The following RFTN1 variants were observed in gnomAD, a reference collection of about 807,000 sequenced individuals.
The protein encoded by RFTN1 is raftlin.
A neutral mutation model predicts 46.5 loss-of-function variants in RFTN1; 26 were observed. The observed-to-expected ratio is 0.56, with a 90% CI of 0.41 to 0.78. The LOEUF (loss-of-function observed/expected upper bound fraction) is 0.78, where lower values mean the gene tolerates loss of function less well. Ranked by LOEUF, RFTN1 falls within the 30% of genes least tolerant of loss-of-function variation. The pLI, the probability that RFTN1 is intolerant of heterozygous loss-of-function variation, is 0.00. For synonymous variants in RFTN1, 261 were observed against 284.2 expected (o/e 0.92, Z 0.82); for missense variants, 693 against 718.7 (o/e 0.96, Z 0.41).
chr3:16,449,966 G>A lies in RFTN1; in HGVS notation c.146-15929C>T, dbSNP rs2075796705. 6.6e-6 allele frequency among the ~76,000 whole-genome samples: 1 copy of A among 152,168 alleles called. No individual in the cohort carries two copies. The highest frequency in any genetic ancestry group is 1.5e-5 in the Non-Finnish European group (1 of 68,026). Reference sequence around the variant, plus strand: ...AGCAGCAGGAGGAGGGCTGCAGGAGGCCCCAGGGAGGCGCAGCAGGGGAAA... The same window carrying A: ...AGCAGCAGGAGGAGGGCTGCAGGAGACCCCAGGGAGGCGCAGCAGGGGAAA... On this transcript the variant is annotated intron_variant, in intron 2 of 9. Transcript: ENST00000334133. The surrounding 1 kb of genome is among the most constrained non-coding windows in gnomAD (Gnocchi z 5.1).
rs1407874269 is a variant in RFTN1 at position 16,346,991 on chromosome 3, T to C, written c.1146+10941A>G. 6.6e-6 allele frequency among the ~76,000 whole-genome samples: 1 copy of C among 152,216 alleles called. No homozygotes were observed. The highest frequency in any genetic ancestry group is 1.5e-5 in the Non-Finnish European group (1 of 68,024). On this transcript the variant is annotated intron_variant, in intron 7 of 9. Transcript: ENST00000334133. The surrounding 1 kb of genome is among the most constrained non-coding windows in gnomAD (Gnocchi z 4.4). ...GAACACCCCTACGGCTTAAGCCACT[T>C]TTAGTTGGATTTCCTGCTATGAACG...
chr3:16,386,774 C>T (rs1430202817), intron 4 of RFTN1, among the ~76,000 whole-genome samples: 5 of 150,472 alleles, frequency 3.3e-5, no homozygotes, highest in Middle Eastern at 3.2e-3. Context: ...GGTAACAGAG[C>T]GAGGAGACAG....
intron 3 of RFTN1, among the ~76,000 whole-genome samples, chr3:16,417,625 C>T (rs1446494155): frequency 1.3e-5 from 2 of 152,200 alleles, no homozygotes; most frequent in African/African-American, 4.8e-5. Flanking sequence ...CTCACCACCA[C>T]CCTAGCGTCT....
chr3:16,399,044 C>T (rs1282603531), intron 4 of RFTN1, among the ~76,000 whole-genome samples: 2 of 152,154 alleles, frequency 1.3e-5, no homozygotes, highest in Non-Finnish European at 2.9e-5. Context: ...TTAGGGATCC[C>T]AAGTTGTTAT....
At chr3:16,354,840 T>C (rs2072328469) in intron 7 of RFTN1, among the ~76,000 whole-genome samples, 1 of 152,208 alleles carries the variant, frequency 6.6e-6, no homozygotes, top group South Asian at 2.1e-4. Context: ...CCTGAACACT[T>C]TGCTTAGTGA....
chr3:16,432,830 T>C (rs566462553), intron 3 of RFTN1, among the ~76,000 whole-genome samples: 1 of 152,280 alleles, frequency 6.6e-6, no homozygotes, highest in African/African-American at 2.4e-5. Context: ...GTTGACGTAA[T>C]GTGTGTTGAT....
chr3:16,332,834 T>C (rs1194687814), intron 7 of RFTN1, among the ~76,000 whole-genome samples: 23 of 121,706 alleles, frequency 1.9e-4, no homozygotes, highest in Non-Finnish European at 3.5e-4. Context: ...TGGGCATCGA[T>C]TTATCTACCT....
chr3:16,445,483 TCACACACACACA>T (rs10681518), intron 2 of RFTN1, among the ~76,000 whole-genome samples: 3 of 126,778 alleles, frequency 2.4e-5, no homozygotes, highest in African/African-American at 6.1e-5. Flanking sequence ...TCTCTCTCTC[TCACACACACACA>T]CACACACACA....
intron 5 of RFTN1, among the ~76,000 whole-genome samples, chr3:16,375,267 G>A (rs921461844): frequency 6.6e-6 from 1 of 152,088 alleles, no homozygotes; most frequent in Non-Finnish European, 1.5e-5. Context: ...AGAAAGATTA[G>A]GAGAGAGGCT....
Position 16,317,193 on chromosome 3 carries a change from G to A in RFTN1, c.1372C>T (p.Gln458Ter), listed in dbSNP as rs754755787. ...AGTTTACCTTTTGATTTCCTCATCT[G>A]CCTGTTGTGCATTTCTTCTCTGGAG... ...RFSREEMHNR[Q>*]MRKSKGKLSA... is the part of the protein sequence containing the mutation. Residue 458 changes from glutamine to a stop codon, truncating the protein, a stop_gained, in exon 10 of 10, where the codon CAG becomes TAG. Coordinates refer to ENST00000334133, the MANE Select transcript of RFTN1 (RefSeq NM_015150.2). LOFTEE classifies it low-confidence loss of function (END_TRUNC). The surrounding 1 kb of genome is among the most constrained non-coding windows in gnomAD (Gnocchi z 4.3). 26 of 1,613,120 alleles carry A rather than the reference G, an allele frequency of 1.6e-5. No homozygotes were observed. The highest frequency in any genetic ancestry group is 2.1e-5 in the Non-Finnish European group (25 of 1,179,966).
In RFTN1 at chr3:16,433,720, T is replaced by G; in HGVS notation, c.332+131A>C. 1.1e-6 allele frequency: 1 copy of G among 892,564 alleles called. No homozygotes were observed. Among genetic ancestry groups the G allele is most frequent in the Non-Finnish European group, 1.8e-6 (1 of 556,030 alleles). 55.3% of individuals were successfully genotyped at this position (892,564 alleles called of 1,614,324 possible). ...TGGTTGTCTAACTGTTTGCCTCACCTGTCTGAGGGCTGAGGCCCTGAGGAC... is the reference window on the plus strand; with the variant it reads ...TGGTTGTCTAACTGTTTGCCTCACCGGTCTGAGGGCTGAGGCCCTGAGGAC... On this transcript the variant is annotated intron_variant, in intron 3 of 9. Transcript: ENST00000334133. The surrounding 1 kb of genome is among the most constrained non-coding windows in gnomAD (Gnocchi z 4.4).
At chr3:16,319,616 T>C (rs1396170106) in intron 9 of RFTN1, among the ~76,000 whole-genome samples, 1 of 152,222 alleles carries the variant, frequency 6.6e-6, no homozygotes, top group Non-Finnish European at 1.5e-5. Flanking sequence ...CTGCTCTTGC[T>C]AAATAACAGA....
Position 16,409,388 on chromosome 3 carries a change from T to G in RFTN1, c.428A>C (p.Glu143Ala). The change falls in exon 4 of 10, where the codon GAG (glutamate) becomes GCG (alanine). Residue 143 changes from glutamate (E) to alanine (A), a missense_variant. Transcript: ENST00000334133. ...DHPTDQKLIP[E>A]FIKKIQEAAS... Reference sequence around the variant, plus strand: ...TGTAGCGCTCACCTTCTTAATGAACTCTGGGATGAGTTTCTGGTCTGTCGG... The same window carrying G: ...TGTAGCGCTCACCTTCTTAATGAACGCTGGGATGAGTTTCTGGTCTGTCGG... The G allele has an allele frequency of 6.2e-7, 1 of 1,609,824 alleles. No individual in the cohort carries two copies. The highest frequency in any genetic ancestry group is 8.5e-7 in the Non-Finnish European group (1 of 1,176,194).
In RFTN1 at chr3:16,443,750, AACACACAC is replaced by A. The variant is rs57242614; in HGVS notation, c.146-9721_146-9714del. ...CACACATAGTCAATGAATTACACAC[AACACACAC>A]ACACACACACACACACACACACACA... On this transcript the variant is annotated intron_variant, in intron 2 of 9. Transcript: ENST00000334133. The surrounding 1 kb of genome is among the most constrained non-coding windows in gnomAD (Gnocchi z 5.5). Among the ~76,000 whole-genome samples, 868 of 146,034 alleles carry A rather than the reference AACACACAC, an allele frequency of 5.9e-3. 8 individuals carry two copies. The highest frequency in any genetic ancestry group is 0.02 in the African/African-American group (792 of 39,914).
chr3:16,482,844 T>G (rs1038193140), intron 2 of RFTN1: 4 of 1,535,802 alleles, frequency 2.6e-6, no homozygotes, highest in Non-Finnish European at 3.5e-6. Flanking sequence ...CTTTCTGCCA[T>G]GAAGATGAAG....
At chr3:16,343,896 A>T (rs981622010) in intron 7 of RFTN1, among the ~76,000 whole-genome samples, 1 of 152,226 alleles carries the variant, frequency 6.6e-6, no homozygotes, top group Non-Finnish European at 1.5e-5. Context: ...TGATAGTCTT[A>T]TAGATGGCCC....
At chr3:16,439,952 T>C (rs1403056291) in intron 2 of RFTN1, among the ~76,000 whole-genome samples, 2 of 152,196 alleles carry the variant, frequency 1.3e-5, no homozygotes, top group Non-Finnish European at 2.9e-5. Flanking sequence ...GCATGAGTTA[T>C]TCTGTAGTTA....
At chr3:16,349,440 T>A (rs1360414984) in intron 7 of RFTN1, 2 of 152,228 alleles carry the variant, frequency 1.3e-5, no homozygotes, top group African/African-American at 4.8e-5. Context: ...AGAGGAGGAA[T>A]GTTGAGCCTG....
rs1305317771 is a variant in RFTN1 at position 16,320,919 on chromosome 3, C to T, written c.1332+2457G>A. On this transcript the variant is annotated intron_variant, in intron 9 of 9. Transcript: ENST00000334133. The surrounding 1 kb of genome is among the most constrained non-coding windows in gnomAD (Gnocchi z 4.5). ...GACAGGATTCAAGTTCCCTTTTTAA[C>T]AGATCACTTGGGCTCTGAATAGGGA... 6.6e-6 allele frequency among the ~76,000 whole-genome samples: 1 copy of T among 152,206 alleles called. No homozygotes were observed. Among genetic ancestry groups the T allele is most frequent in the African/African-American group, 2.4e-5 (1 of 41,444 alleles).
Sources: gnomAD v4.1 joint callset for allele counts (sites outside exome capture counted in the v4.1 genomes callset) on GRCh38, gnomAD v4.1.1 for gene constraint, Gnocchi (gnomAD v3.1) non-coding constraint, MANE v1.5 for transcripts, NCBI Gene and HGNC (gene_info 2026-07-23, HGNC 2026-07-21) for gene names.